Variants in ARHGAP6 observed in about 807,000 individuals in gnomAD.
ARHGAP6 encodes the protein rho GTPase-activating protein 6.
Under a neutral mutation model 55.7 loss-of-function variants are expected in ARHGAP6, and 16 were observed. The observed-to-expected ratio is 0.29, with a 90% confidence interval of 0.19 to 0.44. The LOEUF (loss-of-function observed/expected upper bound fraction) is 0.44, where lower values mean the gene tolerates loss of function less well. Among genes scored for constraint, ARHGAP6 ranks in the 20% least tolerant of loss-of-function variants. ARHGAP6 has a pLI of 1.00. For synonymous variants in ARHGAP6, 382 were observed against 360.9 expected (o/e 1.06, Z -0.66); for missense variants, 698 against 808.9 (o/e 0.86, Z 1.66).
At chrX:11,391,698 C>A (rs1255463296) in intron 1 of ARHGAP6, among the ~76,000 whole-genome samples, 1 of 112,114 alleles carries the variant, frequency 8.9e-6, no homozygotes, top group Non-Finnish European at 1.9e-5. Context: ...GATGCCAAGG[C>A]AGGCTTCTTC....
chrX:11,411,451 C>T lies in ARHGAP6; in HGVS notation c.589-156744G>A, dbSNP rs2049687143. Among the ~76,000 whole-genome samples, 3 of 107,028 alleles carry T rather than the reference C, an allele frequency of 2.8e-5. No individual in the cohort carries two copies. In the South Asian group the frequency reaches 1.2e-3, roughly 44 times the overall value. 92.9% of individuals were successfully genotyped at this position (107,028 alleles called of 115,157 possible). ...AATTGTGTAACCATAACTATTAATT[C>T]AGTTTTGCAACATTTTTATCAAATT... is the stretch of plus-strand genomic sequence containing the variant. On this transcript the variant is annotated intron_variant, in intron 1 of 12. Coordinates refer to ENST00000337414, the MANE Select transcript of ARHGAP6 (RefSeq NM_013427.3).
chrX:11,139,673 C>G (rs2045593037), intron 12 of ARHGAP6, 143 bp from the exon 13 acceptor site: 1 of 599,379 alleles, frequency 1.7e-6, no homozygotes, highest in Admixed American at 5.2e-5. Flanking sequence ...CTCTTAGCTG[C>G]TGCTACCTGA....
At chrX:11,203,577 T>C (rs963819528) in intron 2 of ARHGAP6, among the ~76,000 whole-genome samples, 3 of 111,937 alleles carry the variant, frequency 2.7e-5, no homozygotes, top group Non-Finnish European at 5.6e-5. Context: ...AAGGAGAGCC[T>C]GTTAAATTTT....
chrX:11,656,404 T>C (rs765514372), intron 1 of ARHGAP6, among the ~76,000 whole-genome samples: 1 of 112,485 alleles, frequency 8.9e-6, no homozygotes, highest in South Asian at 3.7e-4. Context: ...CCACAAATTT[T>C]GTAGCATAAA....
At chrX:11,282,297 T>C (rs2047866407) in intron 1 of ARHGAP6, among the ~76,000 whole-genome samples, 1 of 111,927 alleles carries the variant, frequency 8.9e-6, no homozygotes, top group African/African-American at 3.2e-5. Flanking sequence ...TGTGAGAGAC[T>C]CAACTGCAAT....
At position 11,238,662 on chromosome X, in the gene ARHGAP6, T is replaced by C. The variant is rs182556328; in HGVS notation, c.748+15886A>G. 5.5e-3 allele frequency among the ~76,000 whole-genome samples: 621 copies of C among 112,319 alleles called. 5 individuals carry two copies. The highest frequency in any genetic ancestry group is 0.032 in the Admixed American group (341 of 10,623). On this transcript the variant is annotated intron_variant, in intron 2 of 12. Coordinates refer to ENST00000337414, the MANE Select transcript of ARHGAP6 (RefSeq NM_013427.3). The stretch of plus-strand genomic sequence containing the variant: ...CTGCCTCAAAACAAAGCATCATTCA[T>C]TGTGGCTTCCATTTGGTTGTATTCT...
rs774762326 is a variant in ARHGAP6 at position 11,338,643 on chromosome X, G to A, written c.589-83936C>T. ...ATCAGCAATTTTTCACTTCTCAATT[G>A]CCAATATCTTCTCACTTTGTCAGTT... On this transcript the variant is annotated intron_variant, in intron 1 of 12. Transcript: ENST00000337414. Among the ~76,000 whole-genome samples the A allele has an allele frequency of 2.7e-5, 3 of 112,021 alleles. No individual in the cohort carries two copies. The South Asian group carries it at 1.1e-3, about 42-fold the overall frequency.
intron 2 of ARHGAP6, among the ~76,000 whole-genome samples, chrX:11,254,142 G>C (rs1204657320): frequency 8.9e-6 from 1 of 111,758 alleles, no homozygotes; most frequent in Non-Finnish European, 1.9e-5. Flanking sequence ...TTGGCATAGG[G>C]TCAAACGACA....
At chrX:11,419,226 G>T (rs2049790714) in intron 1 of ARHGAP6, among the ~76,000 whole-genome samples, 1 of 111,995 alleles carries the variant, frequency 8.9e-6, no homozygotes, top group Non-Finnish European at 1.9e-5. Context: ...CTAATTGCTG[G>T]GTGCTTCACC....
intron 1 of ARHGAP6, among the ~76,000 whole-genome samples, chrX:11,577,891 A>G (rs2051620322): frequency 9.0e-6 from 1 of 110,599 alleles, no homozygotes; most frequent in African/African-American, 3.3e-5. Flanking sequence ...CGATACCTAT[A>G]TTGCCTCCTT....
At chrX:11,143,650 A>G (rs2045648845) in intron 11 of ARHGAP6, 3 of 1,000,467 alleles carry the variant, frequency 3.0e-6, no homozygotes, top group African/African-American at 2.0e-5. Context: ...TGCAACCCAA[A>G]TCCAGTATAC....
chrX:11,661,090 TCATTTTAA>T (rs2052698199), intron 1 of ARHGAP6, among the ~76,000 whole-genome samples: 1 of 112,201 alleles, frequency 8.9e-6, no homozygotes, highest in Non-Finnish European at 1.9e-5. Context: ...TATATAGAAA[TCATTTTAA>T]TTATGGGTTG....
chrX:11,230,698 T>A (rs1180256355), intron 2 of ARHGAP6, among the ~76,000 whole-genome samples: 3 of 109,816 alleles, frequency 2.7e-5, no homozygotes, highest in Admixed American at 9.8e-5. Context: ...TGCATATACA[T>A]GTATGTATAT....
At chrX:11,209,333 T>A (rs1001877113) in intron 2 of ARHGAP6, among the ~76,000 whole-genome samples, 1 of 111,187 alleles carries the variant, frequency 9.0e-6, no homozygotes, top group Non-Finnish European at 1.9e-5. Context: ...TTGGGAGAGA[T>A]GGGGTTTCGC....
intron 1 of ARHGAP6, among the ~76,000 whole-genome samples, chrX:11,651,790 G>A (rs1360776366): frequency 1.8e-5 from 2 of 111,198 alleles, no homozygotes; most frequent in Non-Finnish European, 3.8e-5. Context: ...CCACAACCTC[G>A]CCAGCATCTG....
chrX:11,451,745 C>T (rs1258748356), intron 1 of ARHGAP6, among the ~76,000 whole-genome samples: 1 of 111,833 alleles, frequency 8.9e-6, no homozygotes, highest in East Asian at 2.8e-4. Context: ...TAACAATCTG[C>T]CCCACTGTAA....
chrX:11,573,167 T>G (rs2051549316), intron 1 of ARHGAP6, among the ~76,000 whole-genome samples: 1 of 111,115 alleles, frequency 9.0e-6, no homozygotes, highest in Admixed American at 9.6e-5. Context: ...TTTCTTTTGC[T>G]GTGCAGAAGC....
rs1488942796 is a variant in ARHGAP6 at position 11,665,383 on chromosome X, T to A, written c.-555A>T. 8.8e-6 allele frequency: 1 copy of A among 113,511 alleles called. No individual in the cohort carries two copies. The highest frequency in any genetic ancestry group is 1.9e-5 in the Non-Finnish European group (1 of 53,467). The allele number at this position is 113,511 out of a possible 1,213,427, so 9.4% of individuals were successfully genotyped here. A position where few individuals can be genotyped will look rare whatever the true frequency, so the allele number is the denominator to read the frequency against. On this transcript the variant is annotated 5_prime_UTR_variant, in exon 1 of 13. Coordinates refer to ENST00000337414, the MANE Select transcript of ARHGAP6 (RefSeq NM_013427.3). ...CCGCTCCTGAGCCGGGCGCCTGAGC[T>A]GCGCCTCCCTGCACTCTCTCCTTGC...
intron 1 of ARHGAP6, among the ~76,000 whole-genome samples, chrX:11,359,073 T>G (rs1259344779): frequency 8.9e-6 from 1 of 112,173 alleles, no homozygotes; most frequent in Non-Finnish European, 1.9e-5. Context: ...CATTAATAAC[T>G]CTTTGTTATA....
Sources: allele counts gnomAD v4.1 joint callset (sites outside exome capture counted in the v4.1 genomes callset), GRCh38; gene constraint gnomAD v4.1.1; transcripts MANE v1.5; gene names NCBI Gene and HGNC (gene_info 2026-07-23, HGNC 2026-07-21).